ROBO2: variants seen among roughly 807,000 people sequenced by gnomAD.
ROBO2 encodes the protein roundabout homolog 2.
A neutral mutation model predicts 160.8 loss-of-function variants in ROBO2; 53 were observed. The ratio of observed to expected loss-of-function variants is 0.33; its 90% CI spans 0.26 to 0.41. The LOEUF is 0.41. Among genes scored for constraint, ROBO2 ranks in the 10% least tolerant of loss-of-function variants. The pLI is 1.00. For missense variants in ROBO2, 1,577 were observed against 1,722.4 expected (o/e 0.92, Z 1.49); for synonymous variants, 664 against 611.7 (o/e 1.09, Z -1.26).
chr3:77,329,510 A>G (rs1581114844), intron 2 of ROBO2, among the ~76,000 whole-genome samples: 2 of 152,324 alleles, frequency 1.3e-5, no homozygotes, highest in African/African-American at 2.4e-5. Context: ...TTTATGAAAC[A>G]TAAGCATCAC....
chr3:76,744,900 C>T (rs933337525), intron 2 of ROBO2, among the ~76,000 whole-genome samples: 2 of 152,128 alleles, frequency 1.3e-5, no homozygotes, highest in Non-Finnish European at 2.9e-5. Flanking sequence ...TCAAAGGGTG[C>T]TATTTTTTCC....
chr3:77,593,899 G>GA (rs150020037), intron 17 of ROBO2, among the ~76,000 whole-genome samples: 1,654 of 151,670 alleles, frequency 0.011, 53 homozygotes, highest in African/African-American at 0.038. Flanking sequence ...CTCACCACAG[G>GA]AAAAAAAATC....
intron 16 of ROBO2, among the ~76,000 whole-genome samples, chr3:77,584,933 C>CAT (rs775050823): frequency 1.1e-3 from 156 of 145,002 alleles, no homozygotes; most frequent in African/African-American, 2.9e-3. Flanking sequence ...CATATATATA[C>CAT]ATATATATAT....
intron 2 of ROBO2, among the ~76,000 whole-genome samples, chr3:76,382,834 G>A (rs945835339): frequency 3.3e-5 from 5 of 152,150 alleles, no homozygotes; most frequent in African/African-American, 7.2e-5. Context: ...AAAGGCCAAA[G>A]CATCTAATAT....
At chr3:77,293,329 A>G (rs1481519429) in intron 2 of ROBO2, among the ~76,000 whole-genome samples, 2 of 150,804 alleles carry the variant, frequency 1.3e-5, no homozygotes, top group Non-Finnish European at 3.0e-5. Flanking sequence ...AGTTGAGGCT[A>G]GAACAGTAAA....
chr3:77,640,401 A>G (rs912190009), intron 24 of ROBO2, among the ~76,000 whole-genome samples: 2 of 152,194 alleles, frequency 1.3e-5, no homozygotes, highest in Non-Finnish European at 2.9e-5. Context: ...GGCGTGAGCC[A>G]CTGCGCCCGG....
At chr3:76,080,527 T>G (rs1332199749) in intron 2 of ROBO2, among the ~76,000 whole-genome samples, 12 of 152,204 alleles carry the variant, frequency 7.9e-5, no homozygotes, top group Admixed American at 7.9e-4. Context: ...ATTGTGAAGT[T>G]TCAGACCCAC....
chr3:76,602,073 C>T (rs548048995), intron 2 of ROBO2, among the ~76,000 whole-genome samples: 14 of 152,312 alleles, frequency 9.2e-5, no homozygotes, highest in Admixed American at 2.6e-4. Flanking sequence ...GTCGCCTTTG[C>T]TCCAGTTTCC....
chr3:76,587,721 G>A (rs1334828528), intron 2 of ROBO2, among the ~76,000 whole-genome samples: 2 of 152,112 alleles, frequency 1.3e-5, no homozygotes, highest in Non-Finnish European at 2.9e-5. Context: ...ATGAATAAAT[G>A]AACTAACTTT....
chr3:76,279,718 T>G (rs1559714248), intron 2 of ROBO2, among the ~76,000 whole-genome samples: 1 of 147,336 alleles, frequency 6.8e-6, no homozygotes, highest in African/African-American at 2.4e-5. Context: ...GGGAAACAAT[T>G]ATCATTGCAT....
At chr3:76,945,233 A>G (rs1206503710) in intron 2 of ROBO2, among the ~76,000 whole-genome samples, 2 of 152,142 alleles carry the variant, frequency 1.3e-5, no homozygotes, top group Non-Finnish European at 2.9e-5. Flanking sequence ...GGTCCTAAGA[A>G]ATCAGAAGTA....
At chr3:76,510,858 G>A (rs1172977580) in intron 2 of ROBO2, among the ~76,000 whole-genome samples, 5 of 152,166 alleles carry the variant, frequency 3.3e-5, no homozygotes, top group African/African-American at 1.2e-4. Context: ...ATGAACACAT[G>A]CCACCTAATG....
chr3:76,222,035 G>A (rs1047631279), intron 2 of ROBO2, among the ~76,000 whole-genome samples: 1 of 152,150 alleles, frequency 6.6e-6, no homozygotes, highest in Non-Finnish European at 1.5e-5. Context: ...GGTCTCTACT[G>A]CTGGCAGATT....
At position 75,985,749 on chromosome 3, in the gene ROBO2, C is replaced by T. The variant is rs115999284; in HGVS notation, c.109+48147C>T. Among the ~76,000 whole-genome samples, 562 of 151,622 alleles carry T rather than the reference C, an allele frequency of 3.7e-3. 2 individuals are homozygous for T. Among genetic ancestry groups the T allele is most frequent in the African/African-American group, 0.013 (545 of 41,498 alleles). ...TATCTCTAGAAACTACCATTCTTTT[C>T]GTCTGTGATTTTGACTATTCTAAGA... On this transcript the variant is annotated intron_variant, in intron 2 of 26. Transcript: ENST00000487694.
chr3:76,905,562 A>C (rs1046377098), intron 2 of ROBO2, among the ~76,000 whole-genome samples: 2 of 152,122 alleles, frequency 1.3e-5, no homozygotes, highest in Non-Finnish European at 2.9e-5. Context: ...ACCCAAACCC[A>C]CATTTTCAGA....
intron 2 of ROBO2, among the ~76,000 whole-genome samples, chr3:76,343,046 A>T (rs1183159854): frequency 6.6e-6 from 1 of 152,086 alleles, no homozygotes; most frequent in Non-Finnish European, 1.5e-5. Context: ...TCCAAAGACA[A>T]GAACACATAG....
At chr3:76,834,062 T>TCTTC (rs1553651248) in intron 2 of ROBO2, among the ~76,000 whole-genome samples, 3 of 88,012 alleles carry the variant, frequency 3.4e-5, no homozygotes, top group African/African-American at 1.4e-4. Context: ...CCTTTCTTTC[T>TCTTC]TTTCTTTCTT....
intron 1 of ROBO2, among the ~76,000 whole-genome samples, chr3:77,043,403 G>A (rs1431641183): frequency 6.6e-6 from 1 of 152,096 alleles, no homozygotes; most frequent in Non-Finnish European, 1.5e-5. Context: ...TTATTTATAT[G>A]TGCATTTTTA....
intron 2 of ROBO2, among the ~76,000 whole-genome samples, chr3:76,806,377 T>G (rs1194878739): frequency 2.0e-5 from 3 of 151,916 alleles, no homozygotes; most frequent in African/African-American, 7.2e-5. Flanking sequence ...AATGTCTAGA[T>G]GAGTAAATAA....
Sources: allele counts gnomAD v4.1 joint callset (sites outside exome capture counted in the v4.1 genomes callset), GRCh38; gene constraint gnomAD v4.1.1; transcripts MANE v1.5; gene names NCBI Gene and HGNC (gene_info 2026-07-23, HGNC 2026-07-21).